Variants in TEX15 observed in about 807,000 individuals in gnomAD.
TEX15 encodes the protein testis-expressed protein 15.
TEX15 carries 171 observed loss-of-function variants against 237.3 expected under a neutral mutation model. The observed-to-expected ratio is 0.72, with a 90% confidence interval of 0.64 to 0.82. The LOEUF is 0.82. TEX15 is among the 40% of genes least tolerant of loss of function. The probability of loss-of-function intolerance (pLI) is 0.00; values close to 1 mark genes in which losing one functional copy is unlikely to be tolerated. For missense variants in TEX15, 3,750 were observed against 3,646.5 expected (o/e 1.03, Z -0.73); for synonymous variants, 1,338 against 1,269.8 (o/e 1.05, Z -1.14).
intron 1 of TEX15, among the ~76,000 whole-genome samples, chr8:30,905,055 T>G (rs1281485067): frequency 6.6e-6 from 1 of 152,198 alleles, no homozygotes; most frequent in Non-Finnish European, 1.5e-5. Flanking sequence ...TAGCAATTCA[T>G]GTGCCTTCTT....
At chr8:30,835,739 A>G (rs988656509) in intron 10 of TEX15, among the ~76,000 whole-genome samples, 5 of 152,214 alleles carry the variant, frequency 3.3e-5, no homozygotes, top group African/African-American at 1.2e-4. Context: ...TGCACATTTC[A>G]ATTTCATTAA....
rs183167179 is a variant in TEX15 at position 30,889,370 on chromosome 8, T to C, written c.-9-2059A>G. ...GGGAGGCTGAGGCAGAAGAATCACT[T>C]GAACCCGGGAGGTGGAGGTTGCAGC... On this transcript the variant is annotated intron_variant, in intron 2 of 10. Coordinates refer to ENST00000643185, the MANE Select transcript of TEX15 (RefSeq NM_001350162.2). Among the ~76,000 whole-genome samples the C allele has an allele frequency of 6.1e-3, 932 of 152,268 alleles. 11 individuals carry two copies. Among genetic ancestry groups the C allele is most frequent in the African/African-American group, 0.021 (882 of 41,556 alleles).
At chr8:30,907,123 T>C (rs190206375) in intron 1 of TEX15, among the ~76,000 whole-genome samples, 8 of 152,154 alleles carry the variant, frequency 5.3e-5, no homozygotes, top group Non-Finnish European at 1.2e-4. Context: ...CTGAAGAATT[T>C]GTTGTTGATT....
chr8:30,855,288 C>T (rs567913968), intron 7 of TEX15, among the ~76,000 whole-genome samples: 2 of 152,216 alleles, frequency 1.3e-5, no homozygotes, highest in South Asian at 4.1e-4. Flanking sequence ...TATTTCTATA[C>T]ATTTGGAATG....
At chr8:30,911,799 C>G (rs1183383963) in intron 1 of TEX15, among the ~76,000 whole-genome samples, 1 of 152,110 alleles carries the variant, frequency 6.6e-6, no homozygotes, top group African/African-American at 2.4e-5. Flanking sequence ...ATTCCAAACG[C>G]GGAAACTCAA....
At chr8:30,890,158 G>T (rs1222881912) in intron 2 of TEX15, among the ~76,000 whole-genome samples, 1 of 150,830 alleles carries the variant, frequency 6.6e-6, no homozygotes, top group African/African-American at 2.4e-5. Context: ...ACTTTAACAG[G>T]TATTCAAAAT....
chr8:30,910,350 A>G (rs1386021755), intron 1 of TEX15, among the ~76,000 whole-genome samples: 1 of 152,160 alleles, frequency 6.6e-6, no homozygotes, highest in African/African-American at 2.4e-5. Flanking sequence ...ACTAGCTGCT[A>G]GGATTAAAAT....
Position 30,832,628 on chromosome 8 carries a change from TTAAAA to T in TEX15, c.*653_*657del, listed in dbSNP as rs1807207144. On this transcript the variant is annotated 3_prime_UTR_variant, in exon 11 of 11. Transcript: ENST00000643185. Reference sequence around the variant, plus strand: ...TTCTCTATTATTTGCTAGAAAATCATTAAAATAACTATTTAAATTGTGAAATCCAA... The same window carrying T: ...TTCTCTATTATTTGCTAGAAAATCATTAACTATTTAAATTGTGAAATCCAA... 6.6e-6 allele frequency: 1 copy of T among 152,196 alleles called. No individual in the cohort carries two copies. Among genetic ancestry groups the T allele is most frequent in the Non-Finnish European group, 1.5e-5 (1 of 68,018 alleles). 9.4% of individuals were successfully genotyped at this position (152,196 alleles called of 1,614,324 possible). A position where few individuals can be genotyped will look rare whatever the true frequency, so the allele number is the denominator to read the frequency against.
intron 9 of TEX15, among the ~76,000 whole-genome samples, chr8:30,838,405 G>A (rs912405680): frequency 5.3e-5 from 8 of 151,960 alleles, no homozygotes; most frequent in African/African-American, 1.9e-4. Context: ...TATGCCTCCT[G>A]CCTGATGATC....
chr8:30,846,846 T>C lies in TEX15; in HGVS notation c.3321A>G (p.Ala1107=). The C allele has an allele frequency of 6.2e-7, 1 of 1,613,964 alleles. No individual in the cohort carries two copies. The highest frequency in any genetic ancestry group is 1.7e-5 in the Admixed American group (1 of 60,004). Residue 1107 remains alanine (A), a synonymous_variant, in exon 8 of 11, where the codon GCA becomes GCG. Transcript: ENST00000643185. ...KSRISWEGLL[A]LDNGEMEVLE... ...AAACTTCCATCTCCCCGTTATCAAG[T>C]GCTAACAGACCTTCCCAACTGATAC...
intron 1 of TEX15, among the ~76,000 whole-genome samples, chr8:30,903,645 C>T (rs979107945): frequency 5.9e-5 from 9 of 152,196 alleles, no homozygotes; most frequent in Non-Finnish European, 1.0e-4. Flanking sequence ...GGAAGATTAC[C>T]TGGATTACCT....
At chr8:30,867,096 G>C (rs1485650804) in intron 5 of TEX15, among the ~76,000 whole-genome samples, 169 bp downstream of exon 5, 1 of 148,296 alleles carries the variant, frequency 6.7e-6, no homozygotes, top group Non-Finnish European at 1.5e-5. Flanking sequence ...CAGGTAAAGA[G>C]GAAAGGAGAA....
chr8:30,899,203 T>C (rs971398655), intron 1 of TEX15, among the ~76,000 whole-genome samples: 8 of 152,310 alleles, frequency 5.3e-5, no homozygotes, highest in East Asian at 1.9e-4. Context: ...GCACAAAACA[T>C]TGATTTTTAG....
chr8:30,901,821 T>C lies in TEX15; in HGVS notation c.-85-3004A>G, dbSNP rs541980826. Reference sequence around the variant, plus strand: ...AGAGAAGATCTTAACTTCTGGAATATGGAAAGGCATAGAGCTAGAAAAAAC... The same window carrying C: ...AGAGAAGATCTTAACTTCTGGAATACGGAAAGGCATAGAGCTAGAAAAAAC... On this transcript the variant is annotated intron_variant, in intron 1 of 10. Transcript: ENST00000643185. Among the ~76,000 whole-genome samples, 5 of 152,328 alleles carry C rather than the reference T, an allele frequency of 3.3e-5. No individual in the cohort carries two copies. The East Asian group carries it at 9.6e-4, about 29-fold the overall frequency.
rs1394388252 is a variant in TEX15, at chr8:30,832,951, GC to G, written c.*334del. 1 of 169,164 alleles carries G rather than the reference GC, an allele frequency of 5.9e-6. No homozygotes were observed. The highest frequency in any genetic ancestry group is 2.4e-5 in the African/African-American group (1 of 42,174). The allele number at this position is 169,164 out of a possible 1,614,324, so 10.5% of individuals were successfully genotyped here. A position where few individuals can be genotyped will look rare whatever the true frequency, so the allele number is the denominator to read the frequency against. On this transcript the variant is annotated 3_prime_UTR_variant, in exon 11 of 11. Transcript: ENST00000643185. ...TTGATGACTAATGAAAAAAAATCCT[GC>G]TTTCAGCTCAAATGGCACAATGCCA...
At chr8:30,880,031 T>C (rs1333003301) in intron 3 of TEX15, among the ~76,000 whole-genome samples, 2 of 152,152 alleles carry the variant, frequency 1.3e-5, no homozygotes, top group African/African-American at 4.8e-5. Flanking sequence ...AAGGTTATTA[T>C]CTTTTATTTT....
chr8:30,888,721 TA>T, intron 2 of TEX15: 1 of 1,148,190 alleles, frequency 8.7e-7, no homozygotes, highest in Non-Finnish European at 1.2e-6. Flanking sequence ...TAAAAGATGC[TA>T]AAATTCTACA....
chr8:30,880,871 T>A (rs958412306), intron 3 of TEX15, among the ~76,000 whole-genome samples: 1 of 152,164 alleles, frequency 6.6e-6, no homozygotes, highest in Non-Finnish European at 1.5e-5. Flanking sequence ...TTTTTTTATG[T>A]TTTCATCGTA....
rs200240020 is a variant in TEX15 at position 30,842,555 on chromosome 8, T to C, written c.7612A>G (p.Ile2538Val). ...TGAAGTTCTCTTGAGAGCAAATGAA[T>C]AGCATATGAGCAATTAACAGCTTCA... ...YNEAVNCSYA[I>V]HLLSRELQEL... Residue 2538 changes from isoleucine (I) to valine (V), a missense_variant, in exon 8 of 11, where the codon ATT (isoleucine) becomes GTT (valine). Coordinates refer to ENST00000643185, the MANE Select transcript of TEX15 (RefSeq NM_001350162.2). 2.5e-6 allele frequency: 4 copies of C among 1,610,522 alleles called. No individual in the cohort carries two copies. The East Asian group carries it at 8.9e-5, about 36-fold the overall frequency.
Sources: gnomAD v4.1 joint callset for allele counts (sites outside exome capture counted in the v4.1 genomes callset) on GRCh38, gnomAD v4.1.1 for gene constraint, MANE v1.5 for transcripts, NCBI Gene and HGNC (gene_info 2026-07-23, HGNC 2026-07-21) for gene names.